SOX5: variants seen among roughly 807,000 people sequenced by gnomAD.
SOX5 encodes the protein transcription factor SOX-5.
A neutral mutation model predicts 92.0 loss-of-function variants in SOX5; 9 were observed. The ratio of observed to expected loss-of-function variants is 0.10; its 90% CI spans 0.06 to 0.17. SOX5 has a LOEUF of 0.17. Ranked by LOEUF, SOX5 falls within the 10% of genes least tolerant of loss-of-function variation. The pLI, the probability that SOX5 is intolerant of heterozygous loss-of-function variation, is 1.00. For synonymous variants in SOX5, 344 were observed against 336.3 expected (o/e 1.02, Z -0.25); for missense variants, 642 against 944.5 (o/e 0.68, Z 4.20).
chr12:24,181,634 A>G (rs1955508306), intron 4 of SOX5, among the ~76,000 whole-genome samples: 1 of 152,208 alleles, frequency 6.6e-6, no homozygotes, highest in African/African-American at 2.4e-5. Flanking sequence ...ATACACAGGA[A>G]AAACCCAGAA....
chr12:24,198,461 T>G (rs1256114516), intron 4 of SOX5, among the ~76,000 whole-genome samples: 1 of 152,144 alleles, frequency 6.6e-6, no homozygotes, highest in Non-Finnish European at 1.5e-5. Context: ...TCTATAGTTT[T>G]AGAGAATAAC....
At chr12:23,765,411 A>AAAAAAG in intron 3 of SOX5, among the ~76,000 whole-genome samples, 2 of 149,580 alleles carry the variant, frequency 1.3e-5, no homozygotes, top group Non-Finnish European at 3.0e-5. Context: ...AAAAAAAAAA[A>AAAAAAG]GAGTTTTCCT....
intron 1 of SOX5, among the ~76,000 whole-genome samples, chr12:24,383,863 T>A (rs1327881390): frequency 6.6e-6 from 1 of 152,078 alleles, no homozygotes; most frequent in Non-Finnish European, 1.5e-5. Context: ...CCCACCCAAA[T>A]CTCATCTTGG....
intron 10 of SOX5, among the ~76,000 whole-genome samples, chr12:23,571,351 G>A (rs1948349617): frequency 6.6e-6 from 1 of 151,982 alleles, no homozygotes; most frequent in East Asian, 1.9e-4. Flanking sequence ...TATAGTTTTA[G>A]TTTTCATGCG....
At chr12:24,199,379 T>C (rs1957308286) in intron 4 of SOX5, among the ~76,000 whole-genome samples, 1 of 152,292 alleles carries the variant, frequency 6.6e-6, no homozygotes, top group East Asian at 1.9e-4. Context: ...AATTAAAGCA[T>C]GCTGCATTTT....
chr12:23,579,072 C>T (rs540243962), intron 9 of SOX5, among the ~76,000 whole-genome samples: 6 of 152,122 alleles, frequency 3.9e-5, no homozygotes, highest in South Asian at 2.1e-4. Context: ...GGGGGAATGG[C>T]GGTATTGATG....
At chr12:23,903,252 C>G (rs2097255892) in intron 1 of SOX5, among the ~76,000 whole-genome samples, 1 of 151,914 alleles carries the variant, frequency 6.6e-6, no homozygotes, top group Admixed American at 6.6e-5. Flanking sequence ...AAAATGCTTC[C>G]CAGAAAATAC....
chr12:23,631,976 G>C (rs1295458712), intron 8 of SOX5, among the ~76,000 whole-genome samples: 1 of 152,128 alleles, frequency 6.6e-6, no homozygotes, highest in African/African-American at 2.4e-5. Context: ...TCGACAAACT[G>C]CTGGGCTCTG....
chr12:23,637,674 AG>A (rs1392343338), intron 8 of SOX5, among the ~76,000 whole-genome samples: 1 of 152,188 alleles, frequency 6.6e-6, no homozygotes, highest in African/African-American at 2.4e-5. Context: ...AAACTGGAGA[AG>A]GCAGAATAAA....
intron 6 of SOX5, among the ~76,000 whole-genome samples, chr12:23,729,972 C>A (rs1481431895): frequency 1.3e-5 from 2 of 152,066 alleles, no homozygotes; most frequent in East Asian, 3.9e-4. Flanking sequence ...TTCAAGATGA[C>A]AGGAAACTTA....
intron 4 of SOX5, among the ~76,000 whole-genome samples, chr12:23,956,802 C>T (rs907495454): frequency 6.6e-6 from 1 of 152,122 alleles, no homozygotes; most frequent in African/African-American, 2.4e-5. Flanking sequence ...TCTCCTGCCT[C>T]AGCCTCCTGA....
chr12:23,685,032 A>G (rs964521941), intron 6 of SOX5, among the ~76,000 whole-genome samples: 2 of 152,100 alleles, frequency 1.3e-5, no homozygotes, highest in African/African-American at 4.8e-5. Flanking sequence ...ATCTTCCTTG[A>G]CTATTTCTCA....
intron 1 of SOX5, among the ~76,000 whole-genome samples, chr12:24,432,461 A>T (rs1938543147): frequency 6.6e-6 from 1 of 152,158 alleles, no homozygotes; most frequent in Non-Finnish European, 1.5e-5. Flanking sequence ...GAATAATAGG[A>T]TACTATCCCT....
chr12:23,583,847 G>A (rs576505692), intron 9 of SOX5, among the ~76,000 whole-genome samples: 1 of 152,118 alleles, frequency 6.6e-6, no homozygotes, highest in Non-Finnish European at 1.5e-5. Flanking sequence ...CAAAGCATTT[G>A]TCATTGTTGC....
chr12:23,548,064 G>A (rs981349778), intron 11 of SOX5, among the ~76,000 whole-genome samples: 1 of 151,936 alleles, frequency 6.6e-6, no homozygotes, highest in Admixed American at 6.6e-5. Flanking sequence ...GATAGTCCTC[G>A]GGTCAATGAA....
intron 4 of SOX5, among the ~76,000 whole-genome samples, chr12:24,124,910 C>T (rs1376111798): frequency 3.3e-5 from 5 of 152,098 alleles, no homozygotes; most frequent in African/African-American, 4.8e-5. Context: ...TTTTGTTTTC[C>T]TCCAGATTCC....
intron 4 of SOX5, among the ~76,000 whole-genome samples, chr12:23,972,546 A>G (rs1319686382): frequency 1.3e-5 from 2 of 151,974 alleles, no homozygotes; most frequent in Non-Finnish European, 2.9e-5. Context: ...TTCAGTAGAG[A>G]CAGGGTTTTT....
At chr12:23,855,815 T>G (rs550529661) in intron 2 of SOX5, among the ~76,000 whole-genome samples, 1 of 152,138 alleles carries the variant, frequency 6.6e-6, no homozygotes, top group Non-Finnish European at 1.5e-5. Context: ...GTAAAACATA[T>G]GCCTTCTCAC....
chr12:23,732,814 G>A (rs1197572207), intron 6 of SOX5, among the ~76,000 whole-genome samples: 1 of 152,146 alleles, frequency 6.6e-6, no homozygotes, highest in African/African-American at 2.4e-5. Flanking sequence ...TTCTAATTGT[G>A]TGGTCTTGGG....
Sources: allele counts gnomAD v4.1 joint callset (sites outside exome capture counted in the v4.1 genomes callset), GRCh38; gene constraint gnomAD v4.1.1; transcripts MANE v1.5; gene names NCBI Gene and HGNC (gene_info 2026-07-23, HGNC 2026-07-21).